Variants in AFF1 observed in about 807,000 individuals in gnomAD.
The protein encoded by AFF1 is AF4/FMR2 family member 1.
AFF1 carries 48 observed loss-of-function variants against 121.7 expected under a neutral mutation model. The ratio of observed to expected loss-of-function variants is 0.39; its 90% CI spans 0.31 to 0.50. The LOEUF (loss-of-function observed/expected upper bound fraction) is 0.50, where lower values mean the gene tolerates loss of function less well. AFF1 is among the 20% of genes least tolerant of loss of function. The pLI is 0.76. For missense variants in AFF1, 1,523 were observed against 1,511.7 expected (o/e 1.01, Z -0.12); for synonymous variants, 613 against 563.0 (o/e 1.09, Z -1.26).
At chr4:86,980,947 A>ACCC (rs57473395) in intron 2 of AFF1, among the ~76,000 whole-genome samples, 1,582 of 101,982 alleles carry the variant, frequency 0.016, 96 homozygotes, top group East Asian at 0.025. Flanking sequence ...GGCTTGAGGC[A>ACCC]CCCCCCCCCT....
intron 2 of AFF1, among the ~76,000 whole-genome samples, chr4:87,045,638 C>T (rs1187982534): frequency 2.6e-5 from 4 of 151,978 alleles, no homozygotes; most frequent in Non-Finnish European, 5.9e-5. Flanking sequence ...CCAAGACACT[C>T]CCAGTAGAGT....
chr4:87,075,307 A>G (rs1270771939), intron 4 of AFF1, among the ~76,000 whole-genome samples: 2 of 152,146 alleles, frequency 1.3e-5, no homozygotes, highest in Non-Finnish European at 2.9e-5. Context: ...CAATTTACCT[A>G]AAGGTAAATT....
Position 87,136,067 on chromosome 4 carries a change from G to A in AFF1, c.*366G>A, listed in dbSNP as rs1258226869. On this transcript the variant is annotated 3_prime_UTR_variant, in exon 21 of 21. Transcript: ENST00000395146. ...AGGAGAAACAGTTTCAACTCTGAAAGTGAATTTCACGTCATCTCAGTAGCC... is the reference window on the plus strand; with the variant it reads ...AGGAGAAACAGTTTCAACTCTGAAAATGAATTTCACGTCATCTCAGTAGCC... 4.1e-6 allele frequency: 1 copy of A among 246,882 alleles called. No individual in the cohort carries two copies. Among genetic ancestry groups the A allele is most frequent in the Non-Finnish European group, 7.8e-6 (1 of 127,870 alleles). 15.3% of individuals were successfully genotyped at this position (246,882 alleles called of 1,614,324 possible).
chr4:87,117,171 C>A (rs1003797342), intron 12 of AFF1, among the ~76,000 whole-genome samples: 1 of 152,186 alleles, frequency 6.6e-6, no homozygotes, highest in African/African-American at 2.4e-5. Context: ...GCTTGTGGCT[C>A]TAGAAAGGGA....
At chr4:87,093,846 G>T (rs1273184121) in intron 7 of AFF1, among the ~76,000 whole-genome samples, 1 of 152,108 alleles carries the variant, frequency 6.6e-6, no homozygotes, top group South Asian at 2.1e-4. Flanking sequence ...TTCCAATTCT[G>T]TTTCAGGTCC....
chr4:87,082,955 T>TA (rs1240295164), intron 4 of AFF1, among the ~76,000 whole-genome samples: 1 of 152,142 alleles, frequency 6.6e-6, no homozygotes, highest in East Asian at 1.9e-4. Flanking sequence ...AGGTAGGTAT[T>TA]AAATGGACCA....
intron 2 of AFF1, among the ~76,000 whole-genome samples, chr4:86,949,089 A>C (rs1181280621): frequency 6.6e-6 from 1 of 152,112 alleles, no homozygotes; most frequent in Non-Finnish European, 1.5e-5. Flanking sequence ...GCAGTTTTAC[A>C]TAATAACTCA....
chr4:87,127,592 C>A (rs1439064434), intron 15 of AFF1, 51 bp from the exon 16 acceptor site: 5 of 1,571,060 alleles, frequency 3.2e-6, no homozygotes, highest in Non-Finnish European at 4.4e-6. Context: ...TTGCCCTAGT[C>A]TAGTAATTTT....
rs1415928247 is a variant in AFF1 at position 87,046,895 on chromosome 4, C to G, written c.360C>G (p.His120Gln). 1.2e-6 allele frequency: 2 copies of G among 1,614,242 alleles called. No homozygotes were observed. Among genetic ancestry groups the G allele is most frequent in the South Asian group, 1.1e-5 (1 of 91,088 alleles). The change falls in exon 4 of 21, where the codon CAC becomes CAG. Residue 120 changes from histidine to glutamine, a missense_variant. His to Gln is a conservative substitution (Grantham distance 24, BLOSUM62 0). Coordinates refer to ENST00000395146, the MANE Select transcript of AFF1 (RefSeq NM_001166693.3). Reference protein sequence around the residue: ...PSSSFHTSVHHQSIHTPASGP... With the variant: ...PSSSFHTSVHQQSIHTPASGP... Reference sequence around the variant, plus strand: ...GCTCCTTCCACACTAGTGTCCACCACCAGTCCATTCACACTCCTGCGTCTG... The same window carrying G: ...GCTCCTTCCACACTAGTGTCCACCAGCAGTCCATTCACACTCCTGCGTCTG...
chr4:87,048,831 A>G (rs1730980435), intron 4 of AFF1, among the ~76,000 whole-genome samples: 1 of 152,174 alleles, frequency 6.6e-6, no homozygotes, highest in South Asian at 2.1e-4. Context: ...AACCAATGGC[A>G]GAAATGACCA....
At chr4:87,104,707 T>C (rs1725738576) in intron 8 of AFF1, among the ~76,000 whole-genome samples, 1 of 152,234 alleles carries the variant, frequency 6.6e-6, no homozygotes, top group Non-Finnish European at 1.5e-5. Context: ...ATAGGTGTTT[T>C]TGGAAATACT....
intron 4 of AFF1, among the ~76,000 whole-genome samples, chr4:87,075,522 CAA>C (rs759565928): frequency 4.7e-4 from 71 of 152,268 alleles, no homozygotes; most frequent in Admixed American, 3.9e-4. Context: ...TCTTCTATCT[CAA>C]GGAAGCGTAC....
intron 2 of AFF1, among the ~76,000 whole-genome samples, chr4:86,992,210 C>A (rs1373349198): frequency 7.2e-5 from 11 of 152,122 alleles, no homozygotes. Flanking sequence ...CCACCACTTA[C>A]CAGTTTGCAT....
At position 87,060,168 on chromosome 4, in the gene AFF1, A is replaced by G. The variant is rs1001890873; in HGVS notation, c.1059+12574A>G. On this transcript the variant is annotated intron_variant, in intron 4 of 20. Transcript: ENST00000395146. ...TTTTGGCATTCCTACATTAAAAATA[A>G]ACAGCCTAATCCATTCATTAGGAAT... 2.6e-5 allele frequency among the ~76,000 whole-genome samples: 4 copies of G among 152,328 alleles called. No individual in the cohort carries two copies. In the East Asian group the frequency reaches 7.7e-4, roughly 29 times the overall value.
intron 2 of AFF1, among the ~76,000 whole-genome samples, chr4:87,014,950 C>CT (rs1727153050): frequency 6.6e-6 from 1 of 152,200 alleles, no homozygotes; most frequent in Admixed American, 6.5e-5. Context: ...GACAAACTGT[C>CT]TACCTTAGAC....
At chr4:86,974,072 G>A (rs1467269287) in intron 2 of AFF1, 3 of 152,202 alleles carry the variant, frequency 2.0e-5, no homozygotes, top group African/African-American at 4.8e-5. Flanking sequence ...GAGAACCCTG[G>A]TAATTCTTTT....
chr4:86,938,140 G>C (rs1441105187), intron 1 of AFF1, among the ~76,000 whole-genome samples: 1 of 152,126 alleles, frequency 6.6e-6, no homozygotes, highest in Non-Finnish European at 1.5e-5. Flanking sequence ...GTATGTTAGA[G>C]AGAGTGCAAA....
chr4:87,112,908 A>G (rs1417953477), intron 11 of AFF1, among the ~76,000 whole-genome samples: 1 of 152,340 alleles, frequency 6.6e-6, no homozygotes, highest in African/African-American at 2.4e-5. Context: ...AAATGTAACT[A>G]TCACTCACTC....
chr4:87,058,669 A>G (rs770194447), intron 4 of AFF1, among the ~76,000 whole-genome samples: 1 of 152,170 alleles, frequency 6.6e-6, no homozygotes, highest in Non-Finnish European at 1.5e-5. Flanking sequence ...AGTTACATTT[A>G]GGCCTTTCCC....
Sources: allele counts gnomAD v4.1 joint callset (sites outside exome capture counted in the v4.1 genomes callset), GRCh38; gene constraint gnomAD v4.1.1; transcripts MANE v1.5; gene names NCBI Gene and HGNC (gene_info 2026-07-23, HGNC 2026-07-21).